Variants in TRPM3 observed in about 807,000 individuals in gnomAD.
The protein encoded by TRPM3 is transient receptor potential cation channel subfamily M member 3, also known as long transient receptor potential channel 3.
In TRPM3, 77 loss-of-function variants were observed where a neutral mutation model predicts 181.2. The ratio of observed to expected loss-of-function variants is 0.42; its 90% CI spans 0.35 to 0.51. TRPM3 has a LOEUF of 0.51. Ranked by LOEUF, TRPM3 falls within the 20% of genes least tolerant of loss-of-function variation. The pLI is 0.01. For synonymous variants in TRPM3, 745 were observed against 796.4 expected (o/e 0.94, Z 1.09); for missense variants, 1,759 against 2,196.7 (o/e 0.80, Z 3.98).
chr9:71,406,828 C>T (rs1034473255), intron 1 of TRPM3, among the ~76,000 whole-genome samples: 3 of 152,012 alleles, frequency 2.0e-5, no homozygotes, highest in Admixed American at 6.6e-5. Context: ...AACTCAAAGA[C>T]AGGAAAAGGA....
intron 5 of TRPM3, among the ~76,000 whole-genome samples, chr9:70,831,976 T>TTTATAC (rs1400077390): frequency 1.2e-5 from 1 of 85,154 alleles, no homozygotes; most frequent in South Asian, 3.0e-4. Flanking sequence ...TATATATATA[T>TTTATAC]ATATATATAT....
intron 8 of TRPM3, among the ~76,000 whole-genome samples, chr9:70,758,155 C>T (rs755412559): frequency 3.3e-5 from 5 of 152,134 alleles, no homozygotes; most frequent in African/African-American, 4.8e-5. Context: ...AATCAATGTG[C>T]AAAAATCACA....
At chr9:70,861,845 TA>T (rs1230211906) in intron 3 of TRPM3, among the ~76,000 whole-genome samples, 1 of 145,616 alleles carries the variant, frequency 6.9e-6, no homozygotes, top group Non-Finnish European at 1.5e-5. Context: ...GAAATGGTTT[TA>T]ATATACAGTT....
At chr9:70,617,786 G>A (rs897152418) in intron 17 of TRPM3, among the ~76,000 whole-genome samples, 2 of 152,110 alleles carry the variant, frequency 1.3e-5, no homozygotes, top group African/African-American at 4.8e-5. Context: ...CCAACATGAT[G>A]AAACCCCGTC....
At chr9:71,290,558 A>T (rs185596050) in intron 1 of TRPM3, among the ~76,000 whole-genome samples, 1 of 152,244 alleles carries the variant, frequency 6.6e-6, no homozygotes, top group Admixed American at 6.5e-5. Flanking sequence ...TTTCTAAAGG[A>T]TATATGTTAG....
chr9:70,924,409 C>T (rs907392155), intron 1 of TRPM3, among the ~76,000 whole-genome samples: 1 of 152,122 alleles, frequency 6.6e-6, no homozygotes, highest in Non-Finnish European at 1.5e-5. Flanking sequence ...TGCTGTACAA[C>T]AGTTTATCAT....
Position 70,625,413 on chromosome 9 carries a change from C to G in TRPM3, c.1668+69G>C, listed in dbSNP as rs1382089082. ...GGATTCTACTTCACGTATTCTGTAA[C>G]TAGAGTAAAAAAAAAATAATGAAAA... On this transcript the variant is annotated intron_variant, in intron 13 of 25. Transcript: ENST00000677713. This position sits in a 1 kb window ranked among gnomAD's most constrained non-coding sequence, Gnocchi z 4.8. 66 of 1,589,162 alleles carry G rather than the reference C, an allele frequency of 4.2e-5. No homozygotes were observed. Among genetic ancestry groups the G allele is most frequent in the Non-Finnish European group, 5.5e-5 (64 of 1,170,922 alleles).
chr9:71,116,873 A>C (rs76030091), intron 1 of TRPM3, among the ~76,000 whole-genome samples: 2 of 152,040 alleles, frequency 1.3e-5, no homozygotes, highest in East Asian at 3.9e-4. Context: ...GCTATCGGAC[A>C]CTCCATGGGG....
At chr9:70,587,453 C>G (rs892318831) in intron 22 of TRPM3, among the ~76,000 whole-genome samples, 2 of 152,178 alleles carry the variant, frequency 1.3e-5, no homozygotes, top group Non-Finnish European at 2.9e-5. Context: ...CAGAGACACC[C>G]CGTTTTCCCT....
intron 22 of TRPM3, among the ~76,000 whole-genome samples, chr9:70,563,136 G>A (rs1159864942): frequency 6.6e-6 from 1 of 152,214 alleles, no homozygotes; most frequent in Admixed American, 6.5e-5. Context: ...ATTACCATAA[G>A]AGACATGCAT....
chr9:71,217,258 C>T (rs1003038755), intron 1 of TRPM3, among the ~76,000 whole-genome samples: 1 of 152,148 alleles, frequency 6.6e-6, no homozygotes, highest in Non-Finnish European at 1.5e-5. Flanking sequence ...CCCAGTGGCC[C>T]TTTCTTAAAA....
intron 1 of TRPM3, among the ~76,000 whole-genome samples, chr9:71,165,098 T>C (rs2076474005): frequency 1.3e-5 from 2 of 152,268 alleles, no homozygotes; most frequent in African/African-American, 4.8e-5. Context: ...ACAATCAGTA[T>C]AGACCAGCCC....
chr9:71,258,299 G>A (rs944944485), intron 1 of TRPM3, among the ~76,000 whole-genome samples: 3 of 152,240 alleles, frequency 2.0e-5, no homozygotes, highest in South Asian at 4.1e-4. Context: ...GAAAGGCTGG[G>A]ACTTGAACCC....
chr9:70,850,963 A>G (rs1380158139), intron 3 of TRPM3, among the ~76,000 whole-genome samples: 2 of 152,248 alleles, frequency 1.3e-5, no homozygotes, highest in Non-Finnish European at 2.9e-5. Flanking sequence ...ACAGAAAAGC[A>G]TCTAAAGTAT....
chr9:70,951,943 G>A (rs949840438), intron 1 of TRPM3, among the ~76,000 whole-genome samples: 2 of 152,156 alleles, frequency 1.3e-5, no homozygotes, highest in East Asian at 1.9e-4. Context: ...CTGCTCTGAG[G>A]CAGACAATAA....
intron 9 of TRPM3, among the ~76,000 whole-genome samples, chr9:70,672,641 A>T (rs1023705835): frequency 6.6e-6 from 1 of 152,154 alleles, no homozygotes; most frequent in Non-Finnish European, 1.5e-5. Flanking sequence ...GATCACCCTT[A>T]TTCTTGCCAT....
intron 25 of TRPM3, among the ~76,000 whole-genome samples, chr9:70,541,399 G>A (rs910650960): frequency 4.6e-5 from 7 of 152,102 alleles, no homozygotes; most frequent in Non-Finnish European, 8.8e-5. Context: ...TGATCACTTA[G>A]GTCATGGACC....
chr9:71,374,792 A>G (rs560603170), intron 1 of TRPM3, among the ~76,000 whole-genome samples: 209 of 152,316 alleles, frequency 1.4e-3, no homozygotes, highest in African/African-American at 4.8e-3. Context: ...TAGCATTCCT[A>G]TACATCAACA....
chr9:70,558,064 T>A (rs924215656), intron 22 of TRPM3, among the ~76,000 whole-genome samples: 1 of 152,200 alleles, frequency 6.6e-6, no homozygotes, highest in Non-Finnish European at 1.5e-5. Context: ...GGGATGGACA[T>A]GTGACCCACA....
Sources: gnomAD v4.1 joint callset for allele counts (sites outside exome capture counted in the v4.1 genomes callset) on GRCh38, gnomAD v4.1.1 for gene constraint, Gnocchi (gnomAD v3.1) non-coding constraint, MANE v1.5 for transcripts, NCBI Gene and HGNC (gene_info 2026-07-23, HGNC 2026-07-21) for gene names.